TRPM3: variants seen among roughly 807,000 people sequenced by gnomAD.
TRPM3 encodes the protein transient receptor potential cation channel subfamily M member 3, also known as long transient receptor potential channel 3.
Under a neutral mutation model 181.2 loss-of-function variants are expected in TRPM3, and 77 were observed. The ratio of observed to expected loss-of-function variants is 0.42; its 90% CI spans 0.35 to 0.51. The LOEUF (loss-of-function observed/expected upper bound fraction) is 0.51, where lower values mean the gene tolerates loss of function less well. Among genes scored for constraint, TRPM3 ranks in the 20% least tolerant of loss-of-function variants. The pLI is 0.01. For synonymous variants in TRPM3, 745 were observed against 796.4 expected, an observed-to-expected ratio of 0.94 and a Z score of 1.09; for missense variants, 1,759 against 2,196.7, an observed-to-expected ratio of 0.80 and a Z score of 3.98.
intron 1 of TRPM3, among the ~76,000 whole-genome samples, chr9:71,255,823 A>G (rs1002045712): frequency 2.6e-5 from 4 of 152,174 alleles, no homozygotes; most frequent in African/African-American, 9.7e-5. Flanking sequence ...TAAGGTTATT[A>G]TTGAGTAAAT....
chr9:70,688,966 G>A (rs2067733606), intron 8 of TRPM3, among the ~76,000 whole-genome samples: 3 of 152,144 alleles, frequency 2.0e-5, no homozygotes. Context: ...AGCATTTGTT[G>A]AGTAGATGAA....
intron 1 of TRPM3, among the ~76,000 whole-genome samples, chr9:70,992,555 G>C (rs756234253): frequency 2.6e-5 from 4 of 152,192 alleles, no homozygotes; most frequent in Non-Finnish European, 5.9e-5. Context: ...ACTTTCTGTG[G>C]TGATGGAAAT....
intron 1 of TRPM3, among the ~76,000 whole-genome samples, chr9:71,243,337 C>G (rs2081833682): frequency 6.6e-6 from 1 of 152,190 alleles, no homozygotes; most frequent in South Asian, 2.1e-4. Flanking sequence ...ACCTGCTATT[C>G]TCTTATTACC....
At chr9:71,168,133 T>C (rs1238732926) in intron 1 of TRPM3, among the ~76,000 whole-genome samples, 1 of 152,154 alleles carries the variant, frequency 6.6e-6, no homozygotes, top group Non-Finnish European at 1.5e-5. Context: ...TCTTTAGTAG[T>C]ATTATTTGCA....
intron 9 of TRPM3, among the ~76,000 whole-genome samples, chr9:70,656,412 T>C (rs2060342341): frequency 6.6e-6 from 1 of 152,372 alleles, no homozygotes; most frequent in South Asian, 2.1e-4. Context: ...GTAAGATTTG[T>C]TTTGGGAAAA....
At chr9:71,322,367 G>A (rs1194288321) in intron 1 of TRPM3, among the ~76,000 whole-genome samples, 7 of 152,030 alleles carry the variant, frequency 4.6e-5, no homozygotes, top group Admixed American at 1.3e-4. Flanking sequence ...ATAAAATATC[G>A]TTATTTAAAA....
At chr9:71,109,639 A>G (rs547051508) in intron 1 of TRPM3, among the ~76,000 whole-genome samples, 6 of 152,306 alleles carry the variant, frequency 3.9e-5, no homozygotes, top group Admixed American at 3.3e-4. Context: ...TTCTTTTTGT[A>G]GTCAAGTACC....
chr9:70,581,621 G>A (rs967603349), intron 22 of TRPM3, among the ~76,000 whole-genome samples: 14 of 152,214 alleles, frequency 9.2e-5, no homozygotes, highest in Non-Finnish European at 1.9e-4. Context: ...TTAAAATCTT[G>A]CCACGTTATT....
intron 1 of TRPM3, among the ~76,000 whole-genome samples, chr9:71,387,804 G>C (rs565866257): frequency 1.3e-4 from 20 of 152,046 alleles, no homozygotes; most frequent in African/African-American, 4.1e-4. Flanking sequence ...ACTATCTCTA[G>C]AGACAACCAC....
intron 1 of TRPM3, among the ~76,000 whole-genome samples, chr9:70,986,887 T>C (rs535023397): frequency 1.3e-5 from 2 of 152,110 alleles, no homozygotes; most frequent in South Asian, 2.1e-4. Context: ...AGTGGATCAG[T>C]GTCTTCTGAT....
intron 1 of TRPM3, among the ~76,000 whole-genome samples, chr9:71,328,900 G>A (rs1426542955): frequency 6.6e-6 from 1 of 152,174 alleles, no homozygotes; most frequent in Non-Finnish European, 1.5e-5. Context: ...CATTCCCAGA[G>A]GCTGACACCT....
chr9:70,918,500 T>TTAAAC (rs2096623731), intron 1 of TRPM3, among the ~76,000 whole-genome samples: 1 of 151,938 alleles, frequency 6.6e-6, no homozygotes, highest in African/African-American at 2.4e-5. Flanking sequence ...TACATGGAAA[T>TTAAAC]TAAACAATAT....
chr9:70,555,535 A>G (rs2047484690), intron 22 of TRPM3, among the ~76,000 whole-genome samples: 2 of 152,204 alleles, frequency 1.3e-5, no homozygotes, highest in African/African-American at 4.8e-5. Context: ...GTTGGACACT[A>G]ATAGACATTT....
At chr9:71,187,443 G>T (rs1350078531) in intron 1 of TRPM3, among the ~76,000 whole-genome samples, 1 of 151,834 alleles carries the variant, frequency 6.6e-6, no homozygotes, top group African/African-American at 2.4e-5. Flanking sequence ...CTAGAAAAAG[G>T]GATGAGAGAA....
At chr9:70,941,594 G>A (rs1379771133) in intron 1 of TRPM3, among the ~76,000 whole-genome samples, 2 of 152,150 alleles carry the variant, frequency 1.3e-5, no homozygotes, top group African/African-American at 2.4e-5. Flanking sequence ...TGTCCCTCTA[G>A]AGAACCCTGA....
intron 1 of TRPM3, among the ~76,000 whole-genome samples, chr9:71,053,431 C>T (rs2060290071): frequency 6.6e-6 from 1 of 152,064 alleles, no homozygotes; most frequent in Admixed American, 6.6e-5. Flanking sequence ...TAAACACACA[C>T]AGAGTTTGTG....
intron 1 of TRPM3, among the ~76,000 whole-genome samples, chr9:71,235,379 G>T (rs1286120030): frequency 6.6e-6 from 1 of 152,036 alleles, no homozygotes; most frequent in African/African-American, 2.4e-5. Context: ...ACGCTTTATT[G>T]TCTGTCTCCC....
intron 1 of TRPM3, among the ~76,000 whole-genome samples, chr9:70,927,755 T>C (rs995916341): frequency 5.3e-5 from 8 of 152,002 alleles, no homozygotes; most frequent in African/African-American, 1.7e-4. Flanking sequence ...GCCGGCTGGG[T>C]GATTTATGGC....
At chr9:70,868,743 C>A (rs2095714100) in intron 1 of TRPM3, among the ~76,000 whole-genome samples, 1 of 152,038 alleles carries the variant, frequency 6.6e-6, no homozygotes, top group Admixed American at 6.6e-5. Context: ...GGTCCACTAA[C>A]TTTATAGGAA....
Sources: gnomAD v4.1 joint callset for allele counts (sites outside exome capture counted in the v4.1 genomes callset) on GRCh38, gnomAD v4.1.1 for gene constraint, MANE v1.5 for transcripts, NCBI Gene and HGNC (gene_info 2026-07-23, HGNC 2026-07-21) for gene names.